DMD: variants seen among roughly 807,000 people sequenced by gnomAD.
The protein encoded by DMD is dystrophin.
In DMD, 63 loss-of-function variants were observed where a neutral mutation model predicts 330.1. The ratio of observed to expected loss-of-function variants is 0.19; its 90% CI spans 0.16 to 0.24. The LOEUF (loss-of-function observed/expected upper bound fraction) is 0.24. Among genes scored for constraint, DMD ranks in the 10% least tolerant of loss-of-function variants. DMD has a pLI of 1.00. For synonymous variants in DMD, 1,223 were observed against 959.8 expected (o/e 1.27, Z -5.07); for missense variants, 3,344 against 2,684.1 (o/e 1.25, Z -5.43).
At chrX:31,600,510 GTTTTTTTT>G (rs1177947507) in intron 55 of DMD, among the ~76,000 whole-genome samples, 1 of 50,489 alleles carries the variant, frequency 2.0e-5, no homozygotes, top group Non-Finnish European at 3.6e-5. Flanking sequence ...GCCAACTATG[GTTTTTTTT>G]TTTTTTTTTT....
At chrX:32,513,914 GTATCCC>G (rs200028258) in intron 18 of DMD, among the ~76,000 whole-genome samples, 1,895 of 111,580 alleles carry the variant, frequency 0.017, 34 homozygotes, top group African/African-American at 0.058. Context: ...GGAGAAAGCA[GTATCCC>G]ATAAGCCAAG....
Position 31,284,862 on chromosome X carries a change from A to ACC in DMD, c.9225-23848_9225-23847dup, listed in dbSNP as rs1556433025. On this transcript the variant is annotated intron_variant, in intron 62 of 78. Transcript: ENST00000357033. ...CACACACACACACACACACACACAC[A>ACC]CCCACACCCACACACGCAAAGTATG... is the stretch of plus-strand genomic sequence containing the variant. 2.4e-3 allele frequency among the ~76,000 whole-genome samples: 242 copies of ACC among 100,274 alleles called. 8 individuals are homozygous for ACC. Among genetic ancestry groups the ACC allele is most frequent in the Middle Eastern group, 5.2e-3 (1 of 191 alleles). 87.1% of individuals were successfully genotyped at this position (100,274 alleles called of 115,157 possible). A position where few individuals can be genotyped will look rare whatever the true frequency, so the allele number is the denominator to read the frequency against.
At chrX:32,977,516 A>G (rs2092588747) in intron 2 of DMD, among the ~76,000 whole-genome samples, 1 of 110,485 alleles carries the variant, frequency 9.1e-6, no homozygotes, top group African/African-American at 3.3e-5. Flanking sequence ...ACCCAGAGTA[A>G]TTTCAGAAAA....
intron 57 of DMD, among the ~76,000 whole-genome samples, chrX:31,487,404 G>T (rs1431901622): frequency 9.0e-6 from 1 of 110,694 alleles, no homozygotes; most frequent in Non-Finnish European, 1.9e-5. Flanking sequence ...GGGACTACAG[G>T]TGCCTGCTAC....
chrX:31,889,832 C>G (rs1280875426), intron 47 of DMD, among the ~76,000 whole-genome samples: 1 of 110,329 alleles, frequency 9.1e-6, no homozygotes, highest in Non-Finnish European at 1.9e-5. Flanking sequence ...AATCTTTGAT[C>G]TTATTTGCTT....
At chrX:33,045,355 T>C (rs908848589) in intron 1 of DMD, among the ~76,000 whole-genome samples, 20 of 58,384 alleles carry the variant, frequency 3.4e-4, no homozygotes, top group African/African-American at 9.7e-4. Context: ...TTTCGTGAGA[T>C]TGTAACCACA....
At chrX:32,655,495 C>G (rs1400398483) in intron 9 of DMD, among the ~76,000 whole-genome samples, 8 of 112,137 alleles carry the variant, frequency 7.1e-5, no homozygotes, top group Non-Finnish European at 1.5e-4. Flanking sequence ...GAACTGTGGT[C>G]TGAGAGACAC....
chrX:33,128,748 C>A (rs913513137), intron 1 of DMD, among the ~76,000 whole-genome samples: 2 of 112,141 alleles, frequency 1.8e-5, no homozygotes, highest in African/African-American at 6.5e-5. Context: ...AAGTTGCGCA[C>A]CTGTGTGATG....
At chrX:33,249,828 T>G (rs2148896359) in intron 1 of DMD, among the ~76,000 whole-genome samples, 1 of 110,481 alleles carries the variant, frequency 9.1e-6, no homozygotes, top group East Asian at 2.8e-4. Context: ...TTATTTTCAA[T>G]ATGTTTGGCT....
chrX:31,861,946 T>TACACAC (rs60169449), intron 48 of DMD, among the ~76,000 whole-genome samples: 29,978 of 87,542 alleles, frequency 0.34, 4,399 homozygotes, highest in African/African-American at 0.38. Context: ...GAAAATAATA[T>TACACAC]ACACACACAC....
At chrX:32,133,545 T>C (rs367974485) in intron 44 of DMD, among the ~76,000 whole-genome samples, 1 of 111,760 alleles carries the variant, frequency 8.9e-6, no homozygotes, top group East Asian at 2.8e-4. Flanking sequence ...TCTGGTGATA[T>C]GTCTAACAGA....
intron 2 of DMD, among the ~76,000 whole-genome samples, chrX:32,856,448 T>G (rs2081566128): frequency 9.0e-6 from 1 of 110,758 alleles, no homozygotes; most frequent in Non-Finnish European, 1.9e-5. Flanking sequence ...GAAAATGTGG[T>G]ACATATATAC....
At chrX:31,553,887 TTGACTACAGAGGACTCTTAAGTA>T (rs1366191533) in intron 55 of DMD, among the ~76,000 whole-genome samples, 1 of 112,830 alleles carries the variant, frequency 8.9e-6, no homozygotes, top group Non-Finnish European at 1.9e-5. Context: ...GCTGAGAAAT[TTGACTACAGAGGACTCTTAAGTA>T]TTGTCCTTCA....
At chrX:31,156,066 C>A (rs772540463) in intron 74 of DMD, among the ~76,000 whole-genome samples, 1 of 110,748 alleles carries the variant, frequency 9.0e-6, no homozygotes, top group African/African-American at 3.3e-5. Context: ...TCAAAAATAC[C>A]CCTAAACTAG....
chrX:32,688,791 A>G (rs770921659), intron 9 of DMD, among the ~76,000 whole-genome samples: 9 of 111,880 alleles, frequency 8.0e-5, no homozygotes, highest in Non-Finnish European at 1.5e-4. Flanking sequence ...GTTTAACACC[A>G]TTAAAATTCT....
intron 4 of DMD, among the ~76,000 whole-genome samples, chrX:32,835,546 G>A (rs2079540153): frequency 1.8e-5 from 2 of 112,425 alleles, no homozygotes; most frequent in Non-Finnish European, 1.9e-5. Context: ...ATACATTATT[G>A]ACAGCAGGGA....
chrX:32,507,311 T>C (rs997179272), intron 18 of DMD, among the ~76,000 whole-genome samples: 1 of 111,958 alleles, frequency 8.9e-6, no homozygotes, highest in Non-Finnish European at 1.9e-5. Context: ...GAGGGGTTTC[T>C]ATTTTATCTA....
chrX:33,183,488 A>G (rs1310881884), intron 1 of DMD, among the ~76,000 whole-genome samples: 1 of 111,933 alleles, frequency 8.9e-6, no homozygotes, highest in African/African-American at 3.3e-5. Context: ...CCACTACAAA[A>G]GAATGAGGCT....
In DMD at chrX:31,618,244, A is replaced by G. The variant is rs1277069274; in HGVS notation, c.8217+9429T>C. Among the ~76,000 whole-genome samples the G allele has an allele frequency of 8.2e-5, 9 of 110,116 alleles. No homozygotes were observed. The Admixed American group carries it at 8.8e-4, about 11-fold the overall frequency. On this transcript the variant is annotated intron_variant, in intron 55 of 78. Coordinates refer to ENST00000357033, the MANE Select transcript of DMD (RefSeq NM_004006.3). The stretch of plus-strand genomic sequence containing the variant: ...CTTAAAATAAAAGTGAAAAAAAAAA[A>G]AAGAAGAAAGAAAGAGGAAGGAATG...
Sources: allele counts gnomAD v4.1 joint callset (sites outside exome capture counted in the v4.1 genomes callset), GRCh38; gene constraint gnomAD v4.1.1; transcripts MANE v1.5; gene names NCBI Gene and HGNC (gene_info 2026-07-23, HGNC 2026-07-21).